Variants in SLC45A2 observed in about 807,000 individuals in gnomAD.
SLC45A2 encodes the protein solute carrier family 45 member 2, also known as membrane-associated transporter protein.
A neutral mutation model predicts 45.5 loss-of-function variants in SLC45A2; 36 were observed. The ratio of observed to expected loss-of-function variants is 0.79; its 90% CI spans 0.61 to 1.04. The LOEUF is 1.04. Ranked by LOEUF, SLC45A2 falls within the 50% of genes least tolerant of loss-of-function variation. The probability of loss-of-function intolerance (pLI) is 0.00; values close to 1 mark genes in which losing one functional copy is unlikely to be tolerated. For synonymous variants in SLC45A2, 306 were observed against 269.3 expected (o/e 1.14, Z -1.33); for missense variants, 719 against 671.0 (o/e 1.07, Z -0.79).
At chr5:33,971,370 C>A (rs1752772056) in intron 2 of SLC45A2, 4 of 492,586 alleles carry the variant, frequency 8.1e-6, no homozygotes, top group South Asian at 6.1e-5. Context: ...GTTATGTGGA[C>A]CACCATAAAC....
At chr5:33,982,494 CA>C in intron 1 of SLC45A2, 82 bp from the exon 2 acceptor site, 2 of 1,349,086 alleles carry the variant, frequency 1.5e-6, no homozygotes, top group Non-Finnish European at 1.0e-6. Flanking sequence ...AACTTCTTGC[CA>C]TAAAATCATC....
At position 33,953,433 on chromosome 5, in the gene SLC45A2, C is replaced by T. The variant is rs1752177993; in HGVS notation, c.1032+928G>A. On this transcript the variant is annotated intron_variant, in intron 4 of 6. Coordinates refer to ENST00000296589, the MANE Select transcript of SLC45A2 (RefSeq NM_016180.5). Reference sequence around the variant, plus strand: ...CTCATAGTGGTTTTGATTTGCATTTCTCTGATGGCCAGTGATGATGAGCAT... The same window carrying T: ...CTCATAGTGGTTTTGATTTGCATTTTTCTGATGGCCAGTGATGATGAGCAT... 2.0e-5 allele frequency among the ~76,000 whole-genome samples: 3 copies of T among 151,140 alleles called. No individual in the cohort carries two copies. The South Asian group carries it at 6.3e-4, about 32-fold the overall frequency.
At chr5:33,966,427 CT>C (rs367752652) in intron 2 of SLC45A2, among the ~76,000 whole-genome samples, 3,125 of 95,196 alleles carry the variant, frequency 0.033, 53 homozygotes, top group African/African-American at 0.13. Context: ...AAGCTACTTT[CT>C]TTTTTTTTTT....
At position 33,964,010 on chromosome 5, in the gene SLC45A2, C is replaced by A. The variant is rs372693322; in HGVS notation, c.569G>T (p.Gly190Val). 1.9e-6 allele frequency: 3 copies of A among 1,613,680 alleles called. No homozygotes were observed. Among genetic ancestry groups the A allele is most frequent in the Non-Finnish European group, 2.5e-6 (3 of 1,179,764 alleles). Residue 190 changes from glycine to valine, a missense_variant, in exon 3 of 7, where the codon GGA (glycine) becomes GTA (valine). Transcript: ENST00000296589. ...LHYHALFTGFGGALGYLLGAI... is the reference protein window; with the variant it reads ...LHYHALFTGFVGALGYLLGAI... ...ACCCAAAAGGTAACCCAGGGCACCT[C>A]CAAAACCTGGAAAGCAAGAAAAGCT...
chr5:33,961,245 C>CA (rs1752446824), intron 3 of SLC45A2, among the ~76,000 whole-genome samples: 3 of 152,122 alleles, frequency 2.0e-5, no homozygotes, highest in Admixed American at 2.0e-4. Context: ...ATATCAAAAA[C>CA]AAAAAACCAA....
chr5:33,978,749 A>G (rs567952826), intron 2 of SLC45A2, among the ~76,000 whole-genome samples: 74 of 152,290 alleles, frequency 4.9e-4, no homozygotes, highest in African/African-American at 1.7e-3. Flanking sequence ...TAGCTCCCTA[A>G]AATATATAAA....
At chr5:33,964,763 A>G (rs998839202) in intron 2 of SLC45A2, among the ~76,000 whole-genome samples, 1 of 152,140 alleles carries the variant, frequency 6.6e-6, no homozygotes, top group East Asian at 1.9e-4. Context: ...AATCTATTCA[A>G]TCCTAATTAT....
rs774502932 is a variant in SLC45A2, at chr5:33,944,806, G to A, written c.1435C>T (p.Leu479Phe). ...VRGKGMDCAT[L>F]TCMVQLAQIL... The stretch of plus-strand genomic sequence containing the variant: ...TGAGCCAGCTGCACCATGCATGTGA[G>A]GGTGGCGCAGTCCATGCCCTTCCCT... Residue 479 changes from leucine to phenylalanine, a missense_variant, in exon 7 of 7, where the codon CTC (leucine) becomes TTC (phenylalanine). By Grantham distance (22) the Leu-to-Phe change is conservative. Coordinates refer to ENST00000296589, the MANE Select transcript of SLC45A2 (RefSeq NM_016180.5). The A allele has an allele frequency of 6.2e-7, 1 of 1,614,102 alleles. No homozygotes were observed.
In SLC45A2 at chr5:33,984,589, C is replaced by T; in HGVS notation, c.-6G>A. The T allele has an allele frequency of 1.2e-6, 2 of 1,608,850 alleles. No homozygotes were observed. Among genetic ancestry groups the T allele is most frequent in the Non-Finnish European group, 1.7e-6 (2 of 1,179,994 alleles). On this transcript the variant is annotated 5_prime_UTR_variant, in exon 1 of 7. It adds an upstream start codon to the 5' untranslated region. Coordinates refer to ENST00000296589, the MANE Select transcript of SLC45A2 (RefSeq NM_016180.5). ...TGCCCACTGTTGCTACCCATGGCCA[C>T]TGGGAGAGGAACCTTCCTGCGAGCC... is the stretch of plus-strand genomic sequence containing the variant.
At chr5:33,949,781 G>A (rs917743343) in intron 5 of SLC45A2, among the ~76,000 whole-genome samples, 13 of 151,648 alleles carry the variant, frequency 8.6e-5, no homozygotes, top group Non-Finnish European at 1.0e-4. Context: ...AAAATAATAT[G>A]CTTTAAAGTT....
At chr5:33,969,065 CTGTGTG>C (rs66961145) in intron 2 of SLC45A2, among the ~76,000 whole-genome samples, 11 of 102,464 alleles carry the variant, frequency 1.1e-4, no homozygotes, top group African/African-American at 3.7e-4. Context: ...CTCTCTCTCT[CTGTGTG>C]TGTGTGTGTG....
At chr5:33,947,133 A>G in intron 6 of SLC45A2, 30 bp downstream of exon 6, 1 of 1,614,134 alleles carries the variant, frequency 6.2e-7, no homozygotes, top group East Asian at 2.2e-5. Flanking sequence ...TCTGGATGTT[A>G]CCCAAGGCAG....
intron 2 of SLC45A2, among the ~76,000 whole-genome samples, chr5:33,981,975 T>C (rs1249023216): frequency 6.6e-6 from 1 of 152,262 alleles, no homozygotes; most frequent in Non-Finnish European, 1.5e-5. Context: ...ACAAGGCTTC[T>C]TTCCATTTCA....
At chr5:33,978,478 T>C (rs181500474) in intron 2 of SLC45A2, among the ~76,000 whole-genome samples, 162 of 152,208 alleles carry the variant, frequency 1.1e-3, no homozygotes, top group African/African-American at 3.7e-3. Flanking sequence ...ACATTTACCA[T>C]CTATTCTCTC....
At chr5:33,971,293 T>C (rs572295119) in intron 2 of SLC45A2, 22 of 523,758 alleles carry the variant, frequency 4.2e-5, no homozygotes, top group Non-Finnish European at 7.8e-5. Context: ...ATGTGGGAAT[T>C]GAGGGGTTAC....
chr5:33,962,876 A>G (rs1264138603), intron 3 of SLC45A2, among the ~76,000 whole-genome samples: 5 of 152,200 alleles, frequency 3.3e-5, no homozygotes. Flanking sequence ...CAATCAAGAA[A>G]TCCTCTGTTC....
intron 6 of SLC45A2, chr5:33,946,107 T>G: frequency 1.0e-6 from 1 of 985,330 alleles, no homozygotes; most frequent in Non-Finnish European, 1.2e-6. Flanking sequence ...AGAGGCAGGA[T>G]TTGAATCCAG....
intron 5 of SLC45A2, among the ~76,000 whole-genome samples, chr5:33,950,899 G>A (rs1025351729): frequency 4.6e-5 from 7 of 152,316 alleles, no homozygotes; most frequent in South Asian, 2.1e-4. Flanking sequence ...ATACACAGTC[G>A]CAAGTACAAT....
intron 5 of SLC45A2, among the ~76,000 whole-genome samples, chr5:33,949,917 G>A (rs1382169394): frequency 6.6e-6 from 1 of 152,098 alleles, no homozygotes; most frequent in Non-Finnish European, 1.5e-5. Flanking sequence ...GCTGGATGTA[G>A]TGCCTCATGC....
Sources: allele counts gnomAD v4.1 joint callset (sites outside exome capture counted in the v4.1 genomes callset), GRCh38; gene constraint gnomAD v4.1.1; transcripts MANE v1.5; gene names NCBI Gene and HGNC (gene_info 2026-07-23, HGNC 2026-07-21).